SZT2: variants seen among roughly 807,000 people sequenced by gnomAD.
SZT2 encodes KICSTOR complex protein SZT2.
Under a neutral mutation model 404.2 loss-of-function variants are expected in SZT2, and 216 were observed. The observed-to-expected ratio is 0.53, with a 90% confidence interval of 0.48 to 0.60. The LOEUF (loss-of-function observed/expected upper bound fraction) is 0.60, where lower values mean the gene tolerates loss of function less well. Ranked by LOEUF, SZT2 falls within the 20% of genes least tolerant of loss-of-function variation. The pLI is 0.00. For missense variants in SZT2, 3,857 were observed against 4,459.2 expected, an observed-to-expected ratio of 0.86 and a Z score of 3.85; for synonymous variants, 1,693 against 1,749.9, an observed-to-expected ratio of 0.97 and a Z score of 0.81.
Position 43,424,855 on chromosome 1 carries a change from C to T in SZT2, c.2543C>T (p.Pro848Leu), listed in dbSNP as rs773450549. 1 of 1,613,942 alleles carries T rather than the reference C, an allele frequency of 6.2e-7. No homozygotes were observed. Among genetic ancestry groups the T allele is most frequent in the South Asian group, 1.1e-5 (1 of 91,082 alleles). Residue 848 changes from proline (P) to leucine (L), a missense_variant, in exon 17 of 72, where the codon CCA becomes CTA. By Grantham distance (98) the Pro-to-Leu change is moderately conservative (BLOSUM62 -3). Coordinates refer to ENST00000634258, the MANE Select transcript of SZT2 (RefSeq NM_001365999.1). This position sits in a 1 kb window ranked among gnomAD's most constrained non-coding sequence, Gnocchi z 4.1. The stretch of plus-strand genomic sequence containing the variant: ...ATCATCAACATGGTTCTGGAGCTTC[C>T]AATTCAGGTACGTGCCATCCCCCAT... ...EGIINMVLEL[P>L]IQNEPPGQAA...
Position 43,425,108 on chromosome 1 carries a change from C to T in SZT2, c.2551-5C>T, listed in dbSNP as rs777912144. On this transcript the variant is annotated splice_region_variant and splice_polypyrimidine_tract_variant and intron_variant, in intron 17 of 71. Transcript: ENST00000634258. This position sits in a 1 kb window ranked among gnomAD's most constrained non-coding sequence, Gnocchi z 4.3. ...TTTGCCCAAGATCTCCCATTTTGCC[C>T]ACAGAATGAACCACCAGGGCAGGCT... is the stretch of plus-strand genomic sequence containing the variant. The T allele has an allele frequency of 1.9e-6, 3 of 1,614,166 alleles. No individual in the cohort carries two copies. The South Asian group carries it at 3.3e-5, about 18-fold the overall frequency.
In SZT2 at chr1:43,439,624, AG is replaced by A; in HGVS notation, c.6898del (p.Ala2300ProfsTer34). ...GGKGVACITL[A>X]FVDEGGAPLS... ...ACCCAGGGGTTGCCTGCATCACTCT[AG>A]CCTTTGTGGATGAAGGAGGGGCCCC... On this transcript the variant is annotated frameshift_variant, in exon 50 of 72. Transcript: ENST00000634258. LOFTEE classifies it high-confidence loss of function. The surrounding 1 kb of genome is among the most constrained non-coding windows in gnomAD (Gnocchi z 4.2). The A allele has an allele frequency of 5.6e-6, 9 of 1,613,942 alleles. No homozygotes were observed. The highest frequency in any genetic ancestry group is 7.6e-6 in the Non-Finnish European group (9 of 1,179,896).
In SZT2 at chr1:43,444,032, G is replaced by C. The variant is rs570427496; in HGVS notation, c.8825+236G>C. ...CTCATGATGACACTCATACAAAACT[G>C]TGTCCATTTTCACAAAGCTCATGCC... is the stretch of plus-strand genomic sequence containing the variant. On this transcript the variant is annotated intron_variant, in intron 62 of 71. Coordinates refer to ENST00000634258, the MANE Select transcript of SZT2 (RefSeq NM_001365999.1). 3.9e-5 allele frequency among the ~76,000 whole-genome samples: 6 copies of C among 152,298 alleles called. No individual in the cohort carries two copies. In the East Asian group the frequency reaches 5.8e-4, roughly 15 times the overall value.
chr1:43,425,952 G>C lies in SZT2; in HGVS notation c.2929+3G>C. On this transcript the variant is annotated splice_donor_region_variant and intron_variant, in intron 20 of 71. Transcript: ENST00000634258. This position sits in a 1 kb window ranked among gnomAD's most constrained non-coding sequence, Gnocchi z 4.3. ...CCCAGAGCCGAGGGTCTCTGATGGTGAGTGGGGCAGGCGGCCCACTGGTGG... is the reference window on the plus strand; with the variant it reads ...CCCAGAGCCGAGGGTCTCTGATGGTCAGTGGGGCAGGCGGCCCACTGGTGG... 1 of 1,613,868 alleles carries C rather than the reference G, an allele frequency of 6.2e-7. No homozygotes were observed. Among genetic ancestry groups the C allele is most frequent in the Non-Finnish European group, 8.5e-7 (1 of 1,179,736 alleles).
chr1:43,448,761 AAC>A lies in SZT2; in HGVS notation c.10086+37_10086+38del, dbSNP rs1189380948. ...CCCTTGAGCTTCCTCTGAAAAGGGA[AAC>A]ACAGCAGAAATCCTCACCAAACAGA... On this transcript the variant is annotated intron_variant, in intron 70 of 71. Coordinates refer to ENST00000634258, the MANE Select transcript of SZT2 (RefSeq NM_001365999.1). The surrounding 1 kb of genome is among the most constrained non-coding windows in gnomAD (Gnocchi z 4.2). The A allele has an allele frequency of 1.4e-5, 22 of 1,585,526 alleles. No individual in the cohort carries two copies. Among genetic ancestry groups the A allele is most frequent in the Non-Finnish European group, 1.8e-5 (21 of 1,154,588 alleles).
chr1:43,433,627 C>G (rs192233018), intron 40 of SZT2, among the ~76,000 whole-genome samples: 1 of 152,246 alleles, frequency 6.6e-6, no homozygotes, highest in African/African-American at 2.4e-5. Context: ...ATTAAAAATA[C>G]AAAAATTAGT....
In SZT2 at chr1:43,403,685, C is replaced by G. The variant is rs765912738; in HGVS notation, c.238C>G (p.Leu80Val). The change falls in exon 3 of 72, where the codon CTC (leucine) becomes GTC (valine). Residue 80 changes from leucine to valine, a missense_variant. Physicochemically the swap from Leu to Val is conservative, Grantham distance 32 (BLOSUM62 1). This residue lies in a region of SZT2 where 536 missense variants were observed against 637.4 expected (regional missense o/e 0.84). Coordinates refer to ENST00000634258, the MANE Select transcript of SZT2 (RefSeq NM_001365999.1). ...TGAACCAGTGGTCCCAAGGCCATTCCTCCTGGTACCTTCCACCCGGGTCAC... is the reference window on the plus strand; with the variant it reads ...TGAACCAGTGGTCCCAAGGCCATTCGTCCTGGTACCTTCCACCCGGGTCAC... Reference protein sequence around the residue: ...PDEPVVPRPFLLVPSTRVTFL... With the variant: ...PDEPVVPRPFVLVPSTRVTFL... The G allele has an allele frequency of 6.2e-7, 1 of 1,614,038 alleles. No homozygotes were observed. Among genetic ancestry groups the G allele is most frequent in the Non-Finnish European group, 8.5e-7 (1 of 1,180,042 alleles).
intron 1 of SZT2, among the ~76,000 whole-genome samples, chr1:43,402,861 CA>C (rs1330654951): frequency 6.6e-6 from 1 of 152,096 alleles, no homozygotes; most frequent in African/African-American, 2.4e-5. Context: ...CACAGGGGCA[CA>C]AAAGTAGAAT....
Position 43,437,294 on chromosome 1 carries a change from A to C in SZT2, c.6158A>C (p.Lys2053Thr). 1 of 1,614,106 alleles carries C rather than the reference A, an allele frequency of 6.2e-7. No individual in the cohort carries two copies. The highest frequency in any genetic ancestry group is 8.5e-7 in the Non-Finnish European group (1 of 1,180,016). Residue 2053 changes from lysine to threonine, a missense_variant, in exon 43 of 72, where the codon AAA becomes ACA. By Grantham distance (78) the Lys-to-Thr change is moderately conservative. This residue lies in a region of SZT2 where 261 missense variants were observed against 372.9 expected (regional missense o/e 0.70). Coordinates refer to ENST00000634258, the MANE Select transcript of SZT2 (RefSeq NM_001365999.1). This position sits in a 1 kb window ranked among gnomAD's most constrained non-coding sequence, Gnocchi z 5.3. ...GTGATCCGAGTCCATTCACGCCTCA[A>C]AATGGGGCCCAGCATGGGGGTCTCT... ...GTVIRVHSRL[K>T]MGPSMGVSRA...
rs974678825 is a variant in SZT2 at position 43,452,081 on chromosome 1, G to A, written c.*1601G>A. ...TTTGTCCCCCATCAGTCAGTCACTG[G>A]TCAAGGCCCTCACCTGTTCCTCTGA... On this transcript the variant is annotated 3_prime_UTR_variant, in exon 72 of 72. Coordinates refer to ENST00000634258, the MANE Select transcript of SZT2 (RefSeq NM_001365999.1). The A allele has an allele frequency of 1.3e-5, 20 of 1,537,802 alleles. No individual in the cohort carries two copies. Among genetic ancestry groups the A allele is most frequent in the Non-Finnish European group, 2.7e-6 (3 of 1,120,912 alleles).
chr1:43,450,321 A>G lies in SZT2; in HGVS notation c.10156-16A>G. 2 of 1,613,272 alleles carry G rather than the reference A, an allele frequency of 1.2e-6. No homozygotes were observed. Among genetic ancestry groups the G allele is most frequent in the Non-Finnish European group, 1.7e-6 (2 of 1,179,772 alleles). On this transcript the variant is annotated splice_polypyrimidine_tract_variant and intron_variant, in intron 71 of 71. Transcript: ENST00000634258. This position sits in a 1 kb window ranked among gnomAD's most constrained non-coding sequence, Gnocchi z 4.3. ...GCCCTCCTCTCACCAGTGCATCCCC[A>G]CCGTGTTCCCCACAGTCTCTGACAG...
At chr1:43,396,344 A>G (rs1212074785) in intron 1 of SZT2, among the ~76,000 whole-genome samples, 1 of 152,252 alleles carries the variant, frequency 6.6e-6, no homozygotes, top group Admixed American at 6.5e-5. Context: ...CTCGTTTGGC[A>G]GAGGGTCAGA....
intron 70 of SZT2, 140 bp from the exon 71 acceptor site, chr1:43,449,963 C>G (rs1357196841): frequency 1.0e-6 from 1 of 966,934 alleles, no homozygotes; most frequent in Non-Finnish European, 1.6e-6. Context: ...AATTTGGAGA[C>G]ACGGTCCTAT....
chr1:43,448,603 C>T lies in SZT2; in HGVS notation c.9970-9C>T, dbSNP rs367685430. 7.5e-5 allele frequency: 121 copies of T among 1,613,804 alleles called. No individual in the cohort carries two copies. Among genetic ancestry groups the T allele is most frequent in the Non-Finnish European group, 9.8e-5 (116 of 1,179,796 alleles). On this transcript the variant is annotated splice_polypyrimidine_tract_variant and intron_variant, in intron 69 of 71. Coordinates refer to ENST00000634258, the MANE Select transcript of SZT2 (RefSeq NM_001365999.1). The surrounding 1 kb of genome is among the most constrained non-coding windows in gnomAD (Gnocchi z 4.2). Reference sequence around the variant, plus strand: ...CACAGAAGACTCAGGCCTGTGGCTCCTCCCTCAGGACTGCTTCCTATCCAT... The same window carrying T: ...CACAGAAGACTCAGGCCTGTGGCTCTTCCCTCAGGACTGCTTCCTATCCAT...
intron 1 of SZT2, among the ~76,000 whole-genome samples, chr1:43,391,813 G>GAAATAAA (rs1648366801): frequency 5.0e-5 from 1 of 20,074 alleles, no homozygotes; most frequent in Non-Finnish European, 1.1e-4. Context: ...CGGGCGCGGT[G>GAAATAAA]GCTCACGCCT....
intron 1 of SZT2, 133 bp downstream of exon 1, chr1:43,390,128 CG>C (rs1648104173): frequency 9.3e-7 from 1 of 1,075,100 alleles, no homozygotes. Context: ...CAGCCCAGCC[CG>C]GAAGGCCCGA....
At chr1:43,390,563 AGT>A (rs890032026) in intron 1 of SZT2, among the ~76,000 whole-genome samples, 5 of 152,354 alleles carry the variant, frequency 3.3e-5, no homozygotes, top group African/African-American at 1.2e-4. Context: ...TCTGTCTTAT[AGT>A]GTGTTGTGAG....
chr1:43,428,707 G>T lies in SZT2; in HGVS notation c.4166+221G>T, dbSNP rs978648230. ...GGCTCTCCCCATCTCCCCTGCTTTG[G>T]TGTTGAGTGATGAGCTGAGTCAGGG... On this transcript the variant is annotated intron_variant, in intron 28 of 71. Transcript: ENST00000634258. 23 of 594,224 alleles carry T rather than the reference G, an allele frequency of 3.9e-5. No individual in the cohort carries two copies. The Admixed American group carries it at 6.4e-4, about 17-fold the overall frequency. The allele number at this position is 594,224 out of a possible 1,614,324, so 36.8% of individuals were successfully genotyped here.
At chr1:43,392,893 T>G (rs1648570403) in intron 1 of SZT2, among the ~76,000 whole-genome samples, 1 of 152,174 alleles carries the variant, frequency 6.6e-6, no homozygotes, top group African/African-American at 2.4e-5. Context: ...CATCACACAC[T>G]TGAAATATTT....
Sources: gnomAD v4.1 joint callset for allele counts (sites outside exome capture counted in the v4.1 genomes callset) on GRCh38, gnomAD v4.1.1 for gene constraint, gnomAD v4.1.1 regional missense constraint, Gnocchi (gnomAD v3.1) non-coding constraint, MANE v1.5 for transcripts, NCBI Gene and HGNC (gene_info 2026-07-23, HGNC 2026-07-21) for gene names.